BRINP3: variants seen among roughly 807,000 people sequenced by gnomAD.
BRINP3 encodes the protein BMP/retinoic acid-inducible neural-specific protein 3.
BRINP3 carries 19 observed loss-of-function variants against 71.0 expected under a neutral mutation model. The ratio of observed to expected loss-of-function variants is 0.27; its 90% CI spans 0.19 to 0.39. BRINP3 has a LOEUF of 0.39. Among genes scored for constraint, BRINP3 ranks in the 10% least tolerant of loss-of-function variants. The pLI is 1.00. For synonymous variants in BRINP3, 380 were observed against 337.7 expected, an observed-to-expected ratio of 1.13 and a Z score of -1.37; for missense variants, 959 against 940.8, an observed-to-expected ratio of 1.02 and a Z score of -0.25.
chr1:190,452,382 A>C (rs894987221), intron 2 of BRINP3, among the ~76,000 whole-genome samples: 2 of 152,244 alleles, frequency 1.3e-5, no homozygotes. Flanking sequence ...TTCAAGCCAC[A>C]AAGGTAAAGA....
At chr1:190,473,199 C>T (rs1677258563) in intron 1 of BRINP3, among the ~76,000 whole-genome samples, 1 of 151,866 alleles carries the variant, frequency 6.6e-6, no homozygotes, top group African/African-American at 2.4e-5. Context: ...ATATCTACTA[C>T]AATAAAATTG....
At chr1:190,129,648 A>T (rs1275191198) in intron 7 of BRINP3, among the ~76,000 whole-genome samples, 1 of 151,976 alleles carries the variant, frequency 6.6e-6, no homozygotes, top group East Asian at 1.9e-4. Context: ...TGATGTTAGC[A>T]AACAAAGGAT....
At chr1:190,472,205 T>C (rs977751877) in intron 1 of BRINP3, among the ~76,000 whole-genome samples, 2 of 151,630 alleles carry the variant, frequency 1.3e-5, no homozygotes, top group African/African-American at 4.8e-5. Flanking sequence ...GTTTCCTCCA[T>C]GTGAGAGATG....
intron 2 of BRINP3, among the ~76,000 whole-genome samples, chr1:190,339,503 G>T (rs10920699): frequency 6.6e-5 from 10 of 151,984 alleles, no homozygotes; most frequent in African/African-American, 1.4e-4. Flanking sequence ...GTAATTGAAG[G>T]TCAGGCAGAT....
At chr1:190,258,867 A>G (rs984380154) in intron 4 of BRINP3, among the ~76,000 whole-genome samples, 2 of 152,182 alleles carry the variant, frequency 1.3e-5, no homozygotes, top group Non-Finnish European at 1.5e-5. Context: ...GGCTAGGCAT[A>G]GTGGTTCAAG....
intron 6 of BRINP3, among the ~76,000 whole-genome samples, chr1:190,198,321 C>T (rs992614334): frequency 3.9e-5 from 6 of 152,290 alleles, no homozygotes; most frequent in Middle Eastern, 3.4e-3. Context: ...ACATTTGGCT[C>T]TTTGTAACTT....
At chr1:190,158,864 A>AGGGG (rs1553251394) in intron 7 of BRINP3, among the ~76,000 whole-genome samples, 2 of 150,150 alleles carry the variant, frequency 1.3e-5, no homozygotes, top group African/African-American at 4.8e-5. Flanking sequence ...GACCACAGGG[A>AGGGG]GGGGGAGAGA....
At chr1:190,305,980 A>T (rs1018117109) in intron 2 of BRINP3, among the ~76,000 whole-genome samples, 1 of 151,864 alleles carries the variant, frequency 6.6e-6, no homozygotes, top group African/African-American at 2.4e-5. Flanking sequence ...TCACATGCAC[A>T]TACTTATAAC....
At chr1:190,191,086 G>A (rs16832194) in intron 6 of BRINP3, among the ~76,000 whole-genome samples, 2,174 of 152,212 alleles carry the variant, frequency 0.014, 15 homozygotes, top group Non-Finnish European at 0.024. Flanking sequence ...TAGTTTCTAA[G>A]AGGCAACCTC....
chr1:190,375,521 C>T (rs1382504244), intron 2 of BRINP3, among the ~76,000 whole-genome samples: 2 of 151,868 alleles, frequency 1.3e-5, no homozygotes, highest in Non-Finnish European at 2.9e-5. Flanking sequence ...GTTCGTACTA[C>T]AGATAAAAAG....
chr1:190,393,677 A>G (rs1671397742), intron 2 of BRINP3, among the ~76,000 whole-genome samples: 1 of 151,582 alleles, frequency 6.6e-6, no homozygotes. Context: ...AACTCAAAAT[A>G]TATTTTTGAT....
chr1:190,342,485 C>T (rs1414371806), intron 2 of BRINP3: 4 of 150,630 alleles, frequency 2.7e-5, no homozygotes, highest in Non-Finnish European at 5.9e-5. Flanking sequence ...TGCTATTTTA[C>T]GAAGAGTATT....
chr1:190,426,390 T>C (rs1673709536), intron 2 of BRINP3, among the ~76,000 whole-genome samples: 1 of 151,862 alleles, frequency 6.6e-6, no homozygotes, highest in South Asian at 2.1e-4. Context: ...TGAGGGTTTC[T>C]TACCCAAAAT....
rs142978381 is a variant in BRINP3, at chr1:190,310,749, C to A, written c.237-28999G>T. 5.5e-3 allele frequency among the ~76,000 whole-genome samples: 829 copies of A among 151,792 alleles called. 5 individuals are homozygous for A. The highest frequency in any genetic ancestry group is 0.018 in the African/African-American group (760 of 41,494). ...AACAGTTCCCTTTGAAATACCTAAG[C>A]CTCCACCTTTTCTCCAAGGCTTTTA... is the stretch of plus-strand genomic sequence containing the variant. On this transcript the variant is annotated intron_variant, in intron 2 of 7. Transcript: ENST00000367462.
chr1:190,174,450 A>G (rs532487725), intron 6 of BRINP3, among the ~76,000 whole-genome samples: 24 of 152,218 alleles, frequency 1.6e-4, no homozygotes, highest in African/African-American at 4.8e-4. Flanking sequence ...ACATACACAC[A>G]TGTACATTGG....
intron 6 of BRINP3, among the ~76,000 whole-genome samples, chr1:190,207,671 A>G (rs1405538982): frequency 6.6e-6 from 1 of 152,148 alleles, no homozygotes; most frequent in Non-Finnish European, 1.5e-5. Context: ...TATATTTTAC[A>G]AACAGATTTA....
At chr1:190,402,236 G>T (rs1207610875) in intron 2 of BRINP3, among the ~76,000 whole-genome samples, 1 of 151,972 alleles carries the variant, frequency 6.6e-6, no homozygotes, top group East Asian at 1.9e-4. Flanking sequence ...TACAGAAATT[G>T]AAGTAATATA....
chr1:190,119,851 T>C (rs951250865), intron 7 of BRINP3, among the ~76,000 whole-genome samples: 4 of 152,214 alleles, frequency 2.6e-5, no homozygotes, highest in African/African-American at 9.6e-5. Context: ...ACTGTTGTGC[T>C]GCTGGTGTAC....
At chr1:190,121,579 A>C (rs2102319498) in intron 7 of BRINP3, among the ~76,000 whole-genome samples, 1 of 152,320 alleles carries the variant, frequency 6.6e-6, no homozygotes, top group East Asian at 1.9e-4. Context: ...TGGTTCTCCT[A>C]TTTTGAAATG....
Sources: allele counts gnomAD v4.1 joint callset (sites outside exome capture counted in the v4.1 genomes callset), GRCh38; gene constraint gnomAD v4.1.1; transcripts MANE v1.5; gene names NCBI Gene and HGNC (gene_info 2026-07-23, HGNC 2026-07-21).